ACOXL: variants seen among roughly 807,000 people sequenced by gnomAD.
ACOXL encodes acyl-CoA oxidase like, also known as acyl-coenzyme A oxidase-like protein.
A neutral mutation model predicts 71.9 loss-of-function variants in ACOXL; 70 were observed. That is an observed-to-expected ratio of 0.97 (90% CI 0.80 to 1.19). ACOXL has a LOEUF of 1.19. ACOXL is among the 50% of genes most tolerant of loss of function. The pLI, the probability that ACOXL is intolerant of heterozygous loss-of-function variation, is 0.00. For synonymous variants in ACOXL, 253 were observed against 281.6 expected (o/e 0.90, Z 1.02); for missense variants, 703 against 736.3 (o/e 0.95, Z 0.52).
At chr2:111,070,138 A>G (rs921139371) in intron 16 of ACOXL, among the ~76,000 whole-genome samples, 1 of 152,056 alleles carries the variant, frequency 6.6e-6, no homozygotes, top group Non-Finnish European at 1.5e-5. Context: ...GACCCAGCAA[A>G]CCCATTACTA....
chr2:110,968,001 C>A (rs2149475116), intron 12 of ACOXL: 1 of 967,576 alleles, frequency 1.0e-6, no homozygotes, highest in Non-Finnish European at 1.7e-6. Flanking sequence ...TTCATCTAAC[C>A]AACAGAGATA....
At chr2:111,001,311 G>T (rs1452568578) in intron 14 of ACOXL, among the ~76,000 whole-genome samples, 1 of 152,164 alleles carries the variant, frequency 6.6e-6, no homozygotes, top group Non-Finnish European at 1.5e-5. Flanking sequence ...AGATCTTTTG[G>T]CTTGTGCTGA....
chr2:110,769,397 A>G (rs916185616), intron 2 of ACOXL, among the ~76,000 whole-genome samples: 15 of 152,140 alleles, frequency 9.9e-5, no homozygotes, highest in Non-Finnish European at 2.9e-5. Flanking sequence ...CTGTAATCCC[A>G]GTACTTTGGG....
At chr2:110,853,624 C>T (rs764161408) in intron 10 of ACOXL, among the ~76,000 whole-genome samples, 4 of 152,184 alleles carry the variant, frequency 2.6e-5, no homozygotes, top group Non-Finnish European at 5.9e-5. Flanking sequence ...AGTAGTCCCT[C>T]CAAAACGGAA....
At chr2:110,795,798 T>TG (rs1440231758) in intron 5 of ACOXL, 2 of 152,198 alleles carry the variant, frequency 1.3e-5, no homozygotes, top group East Asian at 1.9e-4. Flanking sequence ...CTGTCGTTGA[T>TG]GGGGGGAAAA....
At chr2:110,811,332 G>T (rs967423477) in intron 9 of ACOXL, among the ~76,000 whole-genome samples, 7 of 152,138 alleles carry the variant, frequency 4.6e-5, no homozygotes, top group Non-Finnish European at 1.0e-4. Flanking sequence ...TCAGTGTGGG[G>T]ACTGAGTTGA....
intron 16 of ACOXL, among the ~76,000 whole-genome samples, chr2:111,068,423 A>C (rs193044961): frequency 4.0e-4 from 61 of 152,286 alleles, no homozygotes; most frequent in Non-Finnish European, 7.5e-4. Flanking sequence ...CACAGGTATA[A>C]AGGAAACCCA....
At chr2:111,104,557 G>A (rs1216657849) in intron 17 of ACOXL, among the ~76,000 whole-genome samples, 2 of 152,056 alleles carry the variant, frequency 1.3e-5, no homozygotes, top group Non-Finnish European at 2.9e-5. Context: ...ATATTTCATT[G>A]TAGCTTTAGT....
Position 110,889,331 on chromosome 2 carries a change from G to A in ACOXL, c.789-19458G>A, listed in dbSNP as rs191447807. On this transcript the variant is annotated intron_variant, in intron 10 of 17. Transcript: ENST00000439055. The stretch of plus-strand genomic sequence containing the variant: ...CCAACTAATTTTTTTTAAAACAACA[G>A]CTTTATTGATATATCATCCACATTG... Among the ~76,000 whole-genome samples, 550 of 152,214 alleles carry A rather than the reference G, an allele frequency of 3.6e-3. 9 individuals are homozygous for A. The highest frequency in any genetic ancestry group is 0.013 in the African/African-American group (522 of 41,530).
intron 12 of ACOXL, among the ~76,000 whole-genome samples, chr2:110,979,886 G>T (rs1043518301): frequency 1.2e-4 from 19 of 152,184 alleles, no homozygotes; most frequent in African/African-American, 4.6e-4. Context: ...AGGCTTTGCA[G>T]AAATTCTGAG....
chr2:110,858,231 C>T (rs1366359389), intron 10 of ACOXL, among the ~76,000 whole-genome samples: 2 of 152,094 alleles, frequency 1.3e-5, no homozygotes, highest in Non-Finnish European at 2.9e-5. Context: ...AGGCAATATC[C>T]AGGAAATGGA....
chr2:110,790,730 A>G (rs1684545132), intron 3 of ACOXL, among the ~76,000 whole-genome samples: 1 of 151,826 alleles, frequency 6.6e-6, no homozygotes, highest in African/African-American at 2.4e-5. Context: ...CTCGGAGGAC[A>G]CTCTGCGACA....
chr2:110,908,055 C>A (rs571880209), intron 10 of ACOXL, among the ~76,000 whole-genome samples: 1 of 152,304 alleles, frequency 6.6e-6, no homozygotes, highest in South Asian at 2.1e-4. Context: ...GGATGTAGAG[C>A]ATCAGGCTGC....
chr2:111,088,619 C>T (rs182403688), intron 16 of ACOXL, among the ~76,000 whole-genome samples: 12 of 151,998 alleles, frequency 7.9e-5, no homozygotes, highest in Admixed American at 2.6e-4. Context: ...CAACAGACAC[C>T]GGGGCCAACC....
intron 9 of ACOXL, among the ~76,000 whole-genome samples, chr2:110,806,285 C>T (rs1031284546): frequency 3.3e-5 from 5 of 152,232 alleles, no homozygotes; most frequent in Admixed American, 6.5e-5. Context: ...CACGCGTACG[C>T]GGCCTGGCCT....
chr2:110,801,959 C>G (rs1184166134), intron 8 of ACOXL, among the ~76,000 whole-genome samples: 2 of 152,242 alleles, frequency 1.3e-5, no homozygotes, highest in Non-Finnish European at 2.9e-5. Flanking sequence ...CAATATACAT[C>G]TTTCCAGACT....
intron 11 of ACOXL, among the ~76,000 whole-genome samples, chr2:110,925,477 A>G (rs1217684805): frequency 6.6e-6 from 1 of 152,244 alleles, no homozygotes; most frequent in African/African-American, 2.4e-5. Context: ...TTGCATTTCT[A>G]TGCTATAGAG....
intron 12 of ACOXL, among the ~76,000 whole-genome samples, chr2:110,974,466 C>G (rs912823688): frequency 6.6e-6 from 1 of 152,168 alleles, no homozygotes; most frequent in Non-Finnish European, 1.5e-5. Context: ...ATTATACCCT[C>G]CACCAAATCC....
chr2:111,079,877 A>AG lies in ACOXL; in HGVS notation c.1441-12988_1441-12987insG, dbSNP rs552621358. Among the ~76,000 whole-genome samples, 24 of 151,870 alleles carry AG rather than the reference A, an allele frequency of 1.6e-4. No individual in the cohort carries two copies. The East Asian group carries it at 4.4e-3, about 28-fold the overall frequency. On this transcript the variant is annotated intron_variant, in intron 16 of 17. Transcript: ENST00000439055. ...GGTACTACAGTGTGAAAGGCCAAAAAAAAAAAAAAATCTTTGATTTCTGAA... is the reference window on the plus strand; with the variant it reads ...GGTACTACAGTGTGAAAGGCCAAAAAGAAAAAAAAAATCTTTGATTTCTGAA...
Sources: gnomAD v4.1 joint callset for allele counts (sites outside exome capture counted in the v4.1 genomes callset) on GRCh38, gnomAD v4.1.1 for gene constraint, MANE v1.5 for transcripts, NCBI Gene and HGNC (gene_info 2026-07-23, HGNC 2026-07-21) for gene names.